The following CALN1 variants were observed in gnomAD, a reference collection of about 807,000 sequenced individuals.
CALN1 encodes the protein calneuron 1, also known as calcium-binding protein 8.
A neutral mutation model predicts 30.6 loss-of-function variants in CALN1; 17 were observed. The ratio of observed to expected loss-of-function variants is 0.56; its 90% CI spans 0.38 to 0.83. The LOEUF is 0.83. Ranked by LOEUF, CALN1 falls within the 40% of genes least tolerant of loss-of-function variation. CALN1 has a pLI of 0.00. For missense variants in CALN1, 291 were observed against 354.9 expected (o/e 0.82, Z 1.45); for synonymous variants, 156 against 131.4 (o/e 1.19, Z -1.28).
At chr7:72,131,121 G>A (rs2129542812) in intron 3 of CALN1, among the ~76,000 whole-genome samples, 1 of 152,292 alleles carries the variant, frequency 6.6e-6, no homozygotes, top group Non-Finnish European at 1.5e-5. Context: ...CACTCGTGAA[G>A]GGGCAGAGTG....
intron 5 of CALN1, among the ~76,000 whole-genome samples, chr7:71,994,686 G>A (rs149784651): frequency 0.016 from 2,445 of 152,130 alleles, 31 homozygotes; most frequent in Middle Eastern, 0.041. Flanking sequence ...CCTCTGTACA[G>A]AGAGGGGTCC....
At chr7:72,168,973 T>C (rs547920019) in intron 3 of CALN1, among the ~76,000 whole-genome samples, 57 of 151,964 alleles carry the variant, frequency 3.8e-4, no homozygotes, top group Non-Finnish European at 6.8e-4. Context: ...GCTCAGCTAA[T>C]TTTTGTATTT....
chr7:72,357,887 C>A (rs1322814687), intron 2 of CALN1, among the ~76,000 whole-genome samples: 1 of 148,438 alleles, frequency 6.7e-6, no homozygotes, highest in East Asian at 2.0e-4. Context: ...TAGATGGAGT[C>A]CCCAGCTCCC....
At chr7:72,205,298 G>A (rs1791746847) in intron 3 of CALN1, among the ~76,000 whole-genome samples, 1 of 151,402 alleles carries the variant, frequency 6.6e-6, no homozygotes, top group African/African-American at 2.4e-5. Context: ...CGCCTCCCAG[G>A]CTCAAGCATC....
At chr7:71,808,850 GATTGGGA>G (rs1787771763) in intron 6 of CALN1, among the ~76,000 whole-genome samples, 1 of 152,164 alleles carries the variant, frequency 6.6e-6, no homozygotes, top group Non-Finnish European at 1.5e-5. Flanking sequence ...GAGCGAGATG[GATTGGGA>G]AGGCCAGGTC....
chr7:71,953,789 C>T (rs1407273308), intron 5 of CALN1, among the ~76,000 whole-genome samples: 2 of 151,904 alleles, frequency 1.3e-5, no homozygotes, highest in East Asian at 1.9e-4. Flanking sequence ...TGTCATGGGG[C>T]AGATGCTCTG....
chr7:72,015,597 G>A (rs1800333676), intron 5 of CALN1, among the ~76,000 whole-genome samples: 1 of 152,102 alleles, frequency 6.6e-6, no homozygotes, highest in South Asian at 2.1e-4. Context: ...GTGCCACCAC[G>A]CCAGGCTAAT....
rs1328301709 is a variant in CALN1, at chr7:72,220,799, A to C, written c.244+57887T>G. Among the ~76,000 whole-genome samples the C allele has an allele frequency of 2.0e-5, 3 of 152,292 alleles. No homozygotes were observed. The South Asian group carries it at 6.2e-4, about 32-fold the overall frequency. ...TGCATTTCTCTGATGGCCAGTGATG[A>C]TGAGCATTTTTTCATGTGTTTTTTG... On this transcript the variant is annotated intron_variant, in intron 3 of 6. Transcript: ENST00000395275.
intron 4 of CALN1, among the ~76,000 whole-genome samples, chr7:72,091,878 C>T (rs7786666): frequency 0.25 from 37,578 of 152,120 alleles, 4,889 homozygotes; most frequent in Middle Eastern, 0.29. Context: ...AAATGGTGTA[C>T]GGCCAAATAT....
chr7:72,323,091 G>A (rs1424832724), intron 2 of CALN1, among the ~76,000 whole-genome samples: 1 of 151,792 alleles, frequency 6.6e-6, no homozygotes, highest in Non-Finnish European at 1.5e-5. Context: ...CCAGGGACAG[G>A]AGAATATGCT....
intron 5 of CALN1, among the ~76,000 whole-genome samples, chr7:72,019,248 T>C (rs973444215): frequency 1.3e-5 from 2 of 152,036 alleles, no homozygotes; most frequent in African/African-American, 4.8e-5. Flanking sequence ...TCCTCTAAGG[T>C]AGGAAGAAAC....
chr7:72,207,210 G>T (rs1324955030), intron 3 of CALN1, among the ~76,000 whole-genome samples: 1 of 152,104 alleles, frequency 6.6e-6, no homozygotes, highest in African/African-American at 2.4e-5. Context: ...GATTCACTAG[G>T]CTCCAACCAC....
intron 1 of CALN1, among the ~76,000 whole-genome samples, chr7:72,411,156 G>GA (rs944738443): frequency 5.9e-5 from 9 of 151,910 alleles, no homozygotes; most frequent in South Asian, 2.1e-4. Context: ...TTACAGATTT[G>GA]AAAAAAACTA....
intron 2 of CALN1, among the ~76,000 whole-genome samples, chr7:72,335,049 A>T (rs1287964897): frequency 1.3e-5 from 2 of 152,126 alleles, no homozygotes; most frequent in Non-Finnish European, 2.9e-5. Flanking sequence ...TGAATCCTAA[A>T]CTGGGCGTGG....
intron 2 of CALN1, among the ~76,000 whole-genome samples, chr7:72,389,310 A>C (rs780637382): frequency 1.3e-5 from 2 of 152,186 alleles, no homozygotes; most frequent in Admixed American, 1.3e-4. Flanking sequence ...TGAATCAGAA[A>C]GTAGAAGTTT....
At chr7:72,305,075 C>T (rs749624998) in intron 2 of CALN1, among the ~76,000 whole-genome samples, 17 of 152,284 alleles carry the variant, frequency 1.1e-4, no homozygotes, top group Middle Eastern at 3.4e-3. Context: ...CCCAGGCCTC[C>T]AAAGAGAGCC....
chr7:72,424,666 A>G (rs920364297), intron 1 of CALN1, among the ~76,000 whole-genome samples: 3 of 152,064 alleles, frequency 2.0e-5, no homozygotes, highest in Admixed American at 2.0e-4. Context: ...GCGTGATCAT[A>G]GCTCACTGCA....
chr7:72,450,451 G>A (rs1032464427), upstream of CALN1, among the ~76,000 whole-genome samples: 1 of 152,194 alleles, frequency 6.6e-6, no homozygotes, highest in Non-Finnish European at 1.5e-5. Flanking sequence ...GTGGACTCAG[G>A]TCAACAGAGG....
At chr7:71,861,489 G>A (rs1437052202) in intron 5 of CALN1, among the ~76,000 whole-genome samples, 1 of 151,922 alleles carries the variant, frequency 6.6e-6, no homozygotes, top group Non-Finnish European at 1.5e-5. Flanking sequence ...CAAGAGTAAT[G>A]TCCAGGCAAG....
Sources: gnomAD v4.1 joint callset for allele counts (sites outside exome capture counted in the v4.1 genomes callset) on GRCh38, gnomAD v4.1.1 for gene constraint, MANE v1.5 for transcripts, NCBI Gene and HGNC (gene_info 2026-07-23, HGNC 2026-07-21) for gene names.